The following RETREG1 variants were observed in gnomAD, a reference collection of about 807,000 sequenced individuals.
The protein encoded by RETREG1 is reticulophagy regulator 1.
Under a neutral mutation model 54.8 loss-of-function variants are expected in RETREG1, and 44 were observed. That is an observed-to-expected ratio of 0.80 (90% CI 0.63 to 1.03). The LOEUF (loss-of-function observed/expected upper bound fraction) is 1.03. RETREG1 is among the 50% of genes least tolerant of loss of function. The probability of loss-of-function intolerance (pLI) is 0.00; values close to 1 mark genes in which losing one functional copy is unlikely to be tolerated. For synonymous variants in RETREG1, 217 were observed against 238.5 expected (o/e 0.91, Z 0.83); for missense variants, 554 against 605.1 (o/e 0.92, Z 0.89).
At chr5:16,572,127 T>A (rs1324437984) in intron 1 of RETREG1, 25 bp from the exon 2 acceptor site, 2 of 1,533,108 alleles carry the variant, frequency 1.3e-6, no homozygotes, top group Non-Finnish European at 1.8e-6. Flanking sequence ...CACAAATCAG[T>A]ATTTCAATTT....
At chr5:16,565,869 G>T in intron 2 of RETREG1, 76 bp from the exon 3 acceptor site, 1 of 1,467,332 alleles carries the variant, frequency 6.8e-7, no homozygotes, top group Non-Finnish European at 9.4e-7. Context: ...CTCTGAACTA[G>T]TCCAAGCTAT....
chr5:16,581,558 CACACACAA>C (rs1375041474), intron 1 of RETREG1, among the ~76,000 whole-genome samples: 1 of 137,052 alleles, frequency 7.3e-6, no homozygotes, highest in Non-Finnish European at 1.6e-5. Flanking sequence ...CACACACACA[CACACACAA>C]AACACACACA....
At chr5:16,549,836 C>A (rs1471534530) in intron 3 of RETREG1, among the ~76,000 whole-genome samples, 10 of 136,798 alleles carry the variant, frequency 7.3e-5, no homozygotes, top group Admixed American at 1.4e-4. Flanking sequence ...TAATAACTGG[C>A]CCCCCAAAAT....
intron 1 of RETREG1, among the ~76,000 whole-genome samples, chr5:16,587,919 A>G (rs1742664802): frequency 1.3e-5 from 2 of 152,116 alleles, no homozygotes; most frequent in African/African-American, 4.8e-5. Flanking sequence ...TTCCAGGTGA[A>G]TGAATCTTGA....
intron 1 of RETREG1, among the ~76,000 whole-genome samples, chr5:16,600,843 A>C (rs1372881304): frequency 6.6e-6 from 1 of 152,232 alleles, no homozygotes; most frequent in Non-Finnish European, 1.5e-5. Context: ...TTTATTAAAG[A>C]AGAGAAAAAT....
At chr5:16,494,403 G>A (rs1739368135) in intron 3 of RETREG1, among the ~76,000 whole-genome samples, 1 of 152,178 alleles carries the variant, frequency 6.6e-6, no homozygotes, top group African/African-American at 2.4e-5. Flanking sequence ...CCAAGTGTTG[G>A]AGGTGGGGCC....
At chr5:16,555,672 T>C (rs970306196) in intron 3 of RETREG1, among the ~76,000 whole-genome samples, 1 of 152,216 alleles carries the variant, frequency 6.6e-6, no homozygotes, top group East Asian at 1.9e-4. Flanking sequence ...TCCTTTATTT[T>C]TGATTTCCTA....
chr5:16,487,290 T>G lies in RETREG1; in HGVS notation c.459-3818A>C, dbSNP rs1739056306. On this transcript the variant is annotated intron_variant, in intron 3 of 8. Transcript: ENST00000306320. ...TCAGAGAGACCATGCACTTTCCAAG[T>G]TCAAAAGGAAATAGGTTCTTTGGTT... is the stretch of plus-strand genomic sequence containing the variant. Among the ~76,000 whole-genome samples, 4 of 152,144 alleles carry G rather than the reference T, an allele frequency of 2.6e-5. No homozygotes were observed. The South Asian group carries it at 8.3e-4, about 32-fold the overall frequency.
At chr5:16,565,166 T>C (rs1409184534) in intron 3 of RETREG1, among the ~76,000 whole-genome samples, 1 of 152,134 alleles carries the variant, frequency 6.6e-6, no homozygotes, top group African/African-American at 2.4e-5. Context: ...CCCCAGCCCT[T>C]TCCTTGTCCA....
intron 1 of RETREG1, among the ~76,000 whole-genome samples, chr5:16,580,612 C>T (rs1480103505): frequency 1.3e-5 from 2 of 152,012 alleles, no homozygotes; most frequent in East Asian, 3.9e-4. Context: ...GGAGGAATTC[C>T]GAAGGGAAAA....
intron 1 of RETREG1, among the ~76,000 whole-genome samples, chr5:16,603,993 G>A: frequency 6.6e-6 from 1 of 152,164 alleles, no homozygotes; most frequent in East Asian, 1.9e-4. Flanking sequence ...CAAAGGTGGT[G>A]GGGTGGAATC....
chr5:16,489,561 G>A (rs1043515245), intron 3 of RETREG1, among the ~76,000 whole-genome samples: 8 of 152,184 alleles, frequency 5.3e-5, no homozygotes, highest in African/African-American at 7.2e-5. Flanking sequence ...AAATAATGCT[G>A]CAACAAAATG....
At chr5:16,554,529 G>A (rs2126619101) in intron 3 of RETREG1, among the ~76,000 whole-genome samples, 1 of 152,188 alleles carries the variant, frequency 6.6e-6, no homozygotes, top group African/African-American at 2.4e-5. Context: ...ATAAAAGAAT[G>A]TTCATTATAG....
chr5:16,592,414 G>A (rs1742800568), intron 1 of RETREG1, among the ~76,000 whole-genome samples: 1 of 152,164 alleles, frequency 6.6e-6, no homozygotes, highest in Admixed American at 6.5e-5. Context: ...ATGCTGGCAC[G>A]ATCGCAGAGA....
chr5:16,608,068 T>C (rs925102269), intron 1 of RETREG1, among the ~76,000 whole-genome samples: 1 of 152,014 alleles, frequency 6.6e-6, no homozygotes, highest in African/African-American at 2.4e-5. Flanking sequence ...TTAATAGAGA[T>C]GGAGTTTCAC....
At chr5:16,548,906 G>C (rs1029009451) in intron 3 of RETREG1, among the ~76,000 whole-genome samples, 1 of 152,180 alleles carries the variant, frequency 6.6e-6, no homozygotes, top group Non-Finnish European at 1.5e-5. Context: ...TTCTGTTACG[G>C]CTGCCTGAGC....
At chr5:16,483,510 T>C (rs762491832) in intron 3 of RETREG1, 38 bp from the exon 4 acceptor site, 1 of 1,607,924 alleles carries the variant, frequency 6.2e-7, no homozygotes. Flanking sequence ...TACTGAACTT[T>C]GGATGATTCA....
chr5:16,500,764 T>C (rs1471583429), intron 3 of RETREG1, among the ~76,000 whole-genome samples: 1 of 152,086 alleles, frequency 6.6e-6, no homozygotes, highest in African/African-American at 2.4e-5. Context: ...ATAATATCAA[T>C]GTTCACGCGC....
At chr5:16,502,714 A>C (rs1365620336) in intron 3 of RETREG1, among the ~76,000 whole-genome samples, 1 of 152,210 alleles carries the variant, frequency 6.6e-6, no homozygotes, top group African/African-American at 2.4e-5. Flanking sequence ...TTATCTTCCC[A>C]AATGAACAGC....
Sources: allele counts gnomAD v4.1 joint callset (sites outside exome capture counted in the v4.1 genomes callset), GRCh38; gene constraint gnomAD v4.1.1; transcripts MANE v1.5; gene names NCBI Gene and HGNC (gene_info 2026-07-23, HGNC 2026-07-21).